Variants in MAML1 observed in about 807,000 individuals in gnomAD.
MAML1 encodes the protein mastermind like transcriptional coactivator 1.
A neutral mutation model predicts 77.1 loss-of-function variants in MAML1; 14 were observed. The ratio of observed to expected loss-of-function variants is 0.18; its 90% CI spans 0.12 to 0.28. The LOEUF (loss-of-function observed/expected upper bound fraction) is 0.28, where lower values mean the gene tolerates loss of function less well. MAML1 is among the 10% of genes least tolerant of loss of function. MAML1 has a pLI of 1.00. For synonymous variants in MAML1, 516 were observed against 551.9 expected, an observed-to-expected ratio of 0.93 and a Z score of 0.91; for missense variants, 1,217 against 1,327.8, an observed-to-expected ratio of 0.92 and a Z score of 1.30.
Position 179,753,184 on chromosome 5 carries a change from AGTGTGTGTGTGTGTGTGTGTGTGTGT to A in MAML1, c.316-12128_316-12103del, listed in dbSNP as rs59680995. On this transcript the variant is annotated intron_variant, in intron 1 of 4. Transcript: ENST00000292599. The stretch of plus-strand genomic sequence containing the variant: ...ACCTAAATCCTAGATGCTATTTTTT[AGTGTGTGTGTGTGTGTGTGTGTGTGT>A]GTGTGTGTGTGTGCGCGCGCGCGCG... Among the ~76,000 whole-genome samples, 158 of 120,590 alleles carry A rather than the reference AGTGTGTGTGTGTGTGTGTGTGTGTGT, an allele frequency of 1.3e-3. 1 individual carries two copies. The highest frequency in any genetic ancestry group is 4.2e-3 in the African/African-American group (148 of 35,318). 79.1% of individuals were successfully genotyped at this position (120,590 alleles called of 152,430 possible).
chr5:179,752,584 C>G (rs6867806), intron 1 of MAML1, among the ~76,000 whole-genome samples: 45,348 of 126,396 alleles, frequency 0.36, 8,941 homozygotes, highest in South Asian at 0.55. Context: ...GAGTTTAACA[C>G]TTTATTAGAT....
intron 1 of MAML1, among the ~76,000 whole-genome samples, chr5:179,758,568 T>C (rs1249401325): frequency 6.6e-6 from 1 of 152,090 alleles, no homozygotes; most frequent in African/African-American, 2.4e-5. Flanking sequence ...TTATTTATTT[T>C]TTTTAGAAAT....
intron 1 of MAML1, among the ~76,000 whole-genome samples, chr5:179,740,230 A>C (rs966401624): frequency 3.9e-5 from 6 of 152,190 alleles, no homozygotes. Flanking sequence ...ACCTAGGACC[A>C]GATCAAGTGC....
At chr5:179,761,777 G>C (rs1036420288) in intron 1 of MAML1, among the ~76,000 whole-genome samples, 2 of 152,132 alleles carry the variant, frequency 1.3e-5, no homozygotes, top group African/African-American at 4.8e-5. Flanking sequence ...GGGAAAGGAA[G>C]GACTGAAAAT....
intron 2 of MAML1, among the ~76,000 whole-genome samples, chr5:179,768,255 G>A (rs1368274459): frequency 6.6e-6 from 1 of 152,132 alleles, no homozygotes; most frequent in Admixed American, 6.5e-5. Flanking sequence ...TCGGGAGTTC[G>A]AGACCAGCGT....
Position 179,771,284 on chromosome 5 carries a change from G to A in MAML1, c.2068+41G>A, listed in dbSNP as rs762319524. The stretch of plus-strand genomic sequence containing the variant: ...GTGACGAGCAGGGACAGGGGAGGCC[G>A]CTGCCTGGTGCTGGTTGAATCCCTG... On this transcript the variant is annotated intron_variant, in intron 4 of 4. Transcript: ENST00000292599. This position sits in a 1 kb window ranked among gnomAD's most constrained non-coding sequence, Gnocchi z 4.7. The A allele has an allele frequency of 2.6e-5, 40 of 1,519,272 alleles. No homozygotes were observed. Among genetic ancestry groups the A allele is most frequent in the South Asian group, 4.5e-5 (4 of 89,112 alleles). The allele number at this position is 1,519,272 out of a possible 1,614,324, so 94.1% of individuals were successfully genotyped here.
At chr5:179,736,083 G>C (rs1424886452) in intron 1 of MAML1, among the ~76,000 whole-genome samples, 1 of 152,154 alleles carries the variant, frequency 6.6e-6, no homozygotes, top group African/African-American at 2.4e-5. Flanking sequence ...CTCACACTTG[G>C]GTAGTACACA....
chr5:179,742,484 A>G (rs959760205), intron 1 of MAML1, among the ~76,000 whole-genome samples: 1 of 151,428 alleles, frequency 6.6e-6, no homozygotes, highest in Non-Finnish European at 1.5e-5. Context: ...GTGAGATTCC[A>G]TCTCAAAATA....
In MAML1 at chr5:179,771,089, C is replaced by A. The variant is rs1755976629; in HGVS notation, c.1972-58C>A. ...ACTTTTCTCTGACCTCCCTCACTCC[C>A]TTTGTTTTGGATTTTGTTATATGTT... On this transcript the variant is annotated intron_variant, in intron 3 of 4. Transcript: ENST00000292599. The surrounding 1 kb of genome is among the most constrained non-coding windows in gnomAD (Gnocchi z 4.7). 7.3e-7 allele frequency: 1 copy of A among 1,375,944 alleles called. No individual in the cohort carries two copies. The highest frequency in any genetic ancestry group is 1.0e-6 in the Non-Finnish European group (1 of 963,442). The allele number at this position is 1,375,944 out of a possible 1,614,324, so 85.2% of individuals were successfully genotyped here. A position where few individuals can be genotyped will look rare whatever the true frequency, so the allele number is the denominator to read the frequency against.
chr5:179,776,685 C>A lies in MAML1; in HGVS notation c.*1808C>A. On this transcript the variant is annotated 3_prime_UTR_variant, in exon 5 of 5. Transcript: ENST00000292599. ...TTGTGGATCCTTGTTCCTCTCCTGA[C>A]CCCATCTGGCTGCTGCCCCGTCTCC... The A allele has an allele frequency of 2.0e-6, 2 of 985,868 alleles. No individual in the cohort carries two copies. Among genetic ancestry groups the A allele is most frequent in the Non-Finnish European group, 2.4e-6 (2 of 830,000 alleles). 61.1% of individuals were successfully genotyped at this position (985,868 alleles called of 1,614,324 possible).
chr5:179,755,237 A>G (rs564490851), intron 1 of MAML1, among the ~76,000 whole-genome samples: 1 of 152,360 alleles, frequency 6.6e-6, no homozygotes, highest in South Asian at 2.1e-4. Flanking sequence ...GTGATGAGCT[A>G]GTACTGCTTC....
At chr5:179,745,859 C>CAAAAAAA (rs36036714) in intron 1 of MAML1, among the ~76,000 whole-genome samples, 1 of 63,462 alleles carries the variant, frequency 1.6e-5, no homozygotes, top group Non-Finnish European at 3.0e-5. Context: ...AACTCCGTCT[C>CAAAAAAA]AAAAAAAAAA....
chr5:179,738,584 C>T (rs1304571557), intron 1 of MAML1, among the ~76,000 whole-genome samples: 1 of 152,032 alleles, frequency 6.6e-6, no homozygotes, highest in Non-Finnish European at 1.5e-5. Flanking sequence ...AAATTATGAA[C>T]AAATATTCTC....
At chr5:179,740,257 A>T (rs1779255450) in intron 1 of MAML1, among the ~76,000 whole-genome samples, 1 of 152,146 alleles carries the variant, frequency 6.6e-6, no homozygotes, top group African/African-American at 2.4e-5. Context: ...AAGCAGTAGC[A>T]GGATAGGGAG....
chr5:179,777,206 T>C lies in MAML1; in HGVS notation c.*2329T>C. 1.0e-6 allele frequency: 1 copy of C among 972,222 alleles called. No individual in the cohort carries two copies. The highest frequency in any genetic ancestry group is 1.2e-6 in the Non-Finnish European group (1 of 817,620). The allele number at this position is 972,222 out of a possible 1,614,324, so 60.2% of individuals were successfully genotyped here. A position where few individuals can be genotyped will look rare whatever the true frequency, so the allele number is the denominator to read the frequency against. On this transcript the variant is annotated 3_prime_UTR_variant, in exon 5 of 5. Transcript: ENST00000292599. Reference sequence around the variant, plus strand: ...CCCATATTCTTCTACTGCCCTTAACTCTGGTATACACCAAAAAGAAATCTT... The same window carrying C: ...CCCATATTCTTCTACTGCCCTTAACCCTGGTATACACCAAAAAGAAATCTT...
At chr5:179,737,476 G>A (rs968420780) in intron 1 of MAML1, among the ~76,000 whole-genome samples, 26 of 152,158 alleles carry the variant, frequency 1.7e-4, no homozygotes, top group African/African-American at 5.6e-4. Flanking sequence ...GTACCTCTTA[G>A]TCATTGTTAT....
At chr5:179,767,434 G>C (rs924504643) in intron 2 of MAML1, among the ~76,000 whole-genome samples, 8 of 152,078 alleles carry the variant, frequency 5.3e-5, no homozygotes, top group Admixed American at 2.0e-4. Flanking sequence ...CACTGCTTTT[G>C]GGAAGTCATT....
intron 1 of MAML1, among the ~76,000 whole-genome samples, chr5:179,755,496 A>C (rs982614791): frequency 6.6e-6 from 1 of 152,188 alleles, no homozygotes; most frequent in African/African-American, 2.4e-5. Flanking sequence ...CATGAAACGT[A>C]GTATTGTATA....
chr5:179,768,145 C>T (rs74325189), intron 2 of MAML1, among the ~76,000 whole-genome samples: 48 of 152,328 alleles, frequency 3.2e-4, no homozygotes, highest in African/African-American at 7.5e-4. Flanking sequence ...CTCCATTGAC[C>T]AAAGCCCCCT....
Sources: gnomAD v4.1 joint callset for allele counts (sites outside exome capture counted in the v4.1 genomes callset) on GRCh38, gnomAD v4.1.1 for gene constraint, Gnocchi (gnomAD v3.1) non-coding constraint, MANE v1.5 for transcripts, NCBI Gene and HGNC (gene_info 2026-07-23, HGNC 2026-07-21) for gene names.